TENM3: variants seen among roughly 807,000 people sequenced by gnomAD.
TENM3 encodes teneurin-3.
In TENM3, 63 loss-of-function variants were observed where a neutral mutation model predicts 255.1. The ratio of observed to expected loss-of-function variants is 0.25; its 90% CI spans 0.20 to 0.30. TENM3 has a LOEUF of 0.30. TENM3 is among the 10% of genes least tolerant of loss of function. The pLI is 1.00. For missense variants in TENM3, 2,929 were observed against 3,461.1 expected (o/e 0.85, Z 3.86); for synonymous variants, 1,306 against 1,322.3 (o/e 0.99, Z 0.27).
intron 3 of TENM3, among the ~76,000 whole-genome samples, chr4:182,553,712 G>C (rs775812740): frequency 6.6e-6 from 1 of 152,166 alleles, no homozygotes; most frequent in Admixed American, 6.5e-5. Context: ...CATTCTTGCC[G>C]TTAGCGTTTA....
the TENM3 span, among the ~76,000 whole-genome samples, chr4:181,983,326 C>G: frequency 1.3e-5 from 2 of 152,118 alleles, no homozygotes; most frequent in Non-Finnish European, 2.9e-5. Flanking sequence ...TACCAGCAAA[C>G]AAGCGAGAAC....
chr4:182,423,596 T>C (rs1770997042), intron 3 of TENM3, among the ~76,000 whole-genome samples: 1 of 152,168 alleles, frequency 6.6e-6, no homozygotes, highest in Non-Finnish European at 1.5e-5. Flanking sequence ...ACAATGCCAC[T>C]GTAAAATACT....
rs957422358 is a variant in TENM3 at position 182,346,571 on chromosome 4, T to A, written c.233-80T>A. The A allele has an allele frequency of 1.1e-5, 12 of 1,126,048 alleles. 1 individual carries two copies. The highest frequency in any genetic ancestry group is 1.4e-5 in the Non-Finnish European group (12 of 851,272). The allele number at this position is 1,126,048 out of a possible 1,614,324, so 69.8% of individuals were successfully genotyped here. A position where few individuals can be genotyped will look rare whatever the true frequency, so the allele number is the denominator to read the frequency against. ...TTTGAGTGTTTATTTCTGAAAGACA[T>A]TCTTAAAAAAAAAAAAAAGAAAAGA... is the stretch of plus-strand genomic sequence containing the variant. On this transcript the variant is annotated intron_variant, in intron 2 of 27. Transcript: ENST00000511685.
At chr4:181,771,927 G>A in the TENM3 span, among the ~76,000 whole-genome samples, 8 of 152,264 alleles carry the variant, frequency 5.3e-5, no homozygotes, top group East Asian at 1.9e-4. Flanking sequence ...GCTGGCTAAC[G>A]TTCTGAAACA....
intron 22 of TENM3, among the ~76,000 whole-genome samples, chr4:182,773,108 C>T (rs1252973465): frequency 1.3e-5 from 2 of 152,068 alleles, no homozygotes; most frequent in Admixed American, 1.3e-4. Flanking sequence ...ACTGATGTAA[C>T]AGTGAATTAA....
intron 3 of TENM3, among the ~76,000 whole-genome samples, chr4:182,583,333 C>CTGTGTGTGTGTGTGTGTG (rs3073440): frequency 7.0e-6 from 1 of 143,426 alleles, no homozygotes; most frequent in South Asian, 2.3e-4. Context: ...GCTTAAACCT[C>CTGTGTGTGTGTGTGTGTG]TGTGTGTGTG....
chr4:181,564,900 G>C, the TENM3 span, among the ~76,000 whole-genome samples: 13,292 of 152,108 alleles, frequency 0.087, 683 homozygotes, highest in African/African-American at 0.13. Context: ...TCAGTGGGCA[G>C]CTTTGTGGCT....
chr4:182,321,688 G>T (rs151054371), intron 1 of TENM3, among the ~76,000 whole-genome samples: 1,775 of 151,946 alleles, frequency 0.012, 38 homozygotes, highest in African/African-American at 0.039. Context: ...GCTCATGCCT[G>T]TAATCCCAGC....
At chr4:182,597,573 T>C (rs1230439184) in intron 3 of TENM3, among the ~76,000 whole-genome samples, 3 of 152,232 alleles carry the variant, frequency 2.0e-5, no homozygotes, top group Non-Finnish European at 4.4e-5. Flanking sequence ...AAGTAGATTA[T>C]TTAAAGCCAG....
At chr4:182,127,837 TAAA>T in the TENM3 span, among the ~76,000 whole-genome samples, 1 of 152,188 alleles carries the variant, frequency 6.6e-6, no homozygotes, top group Admixed American at 6.5e-5. Flanking sequence ...AAACTTGAGA[TAAA>T]AAAGTCATAA....
intron 3 of TENM3, among the ~76,000 whole-genome samples, chr4:182,375,744 A>G (rs968302674): frequency 2.0e-5 from 3 of 152,062 alleles, no homozygotes; most frequent in Non-Finnish European, 4.4e-5. Context: ...AGATTTCACC[A>G]TGTTGGCCAG....
At chr4:182,069,685 A>AC in the TENM3 span, among the ~76,000 whole-genome samples, 53 of 53,064 alleles carry the variant, frequency 1.0e-3, no homozygotes, top group African/African-American at 2.6e-3. Context: ...ATAGATGCAT[A>AC]AACACACACA....
At chr4:182,622,495 G>A (rs908084) in intron 4 of TENM3, among the ~76,000 whole-genome samples, 12,751 of 152,200 alleles carry the variant, frequency 0.084, 675 homozygotes, top group East Asian at 0.23. Context: ...TGTCTCTCAC[G>A]TAGTAGATAT....
the TENM3 span, among the ~76,000 whole-genome samples, chr4:181,462,195 A>T: frequency 2.6e-5 from 4 of 152,212 alleles, no homozygotes; most frequent in Non-Finnish European, 5.9e-5. Flanking sequence ...TGGTGAGAAC[A>T]GAAGCTCTTA....
the TENM3 span, among the ~76,000 whole-genome samples, chr4:181,720,482 A>C: frequency 6.6e-6 from 1 of 152,202 alleles, no homozygotes; most frequent in Non-Finnish European, 1.5e-5. Context: ...CACTGATTGA[A>C]AGTATTTATA....
intron 1 of TENM3, among the ~76,000 whole-genome samples, chr4:182,293,418 T>TAC (rs1159264035): frequency 1.3e-5 from 2 of 152,194 alleles, no homozygotes; most frequent in Non-Finnish European, 2.9e-5. Context: ...CTGGAGACCT[T>TAC]ACGTGGAATT....
intron 1 of TENM3, among the ~76,000 whole-genome samples, chr4:182,314,695 T>A (rs142656044): frequency 7.9e-5 from 12 of 152,372 alleles, no homozygotes; most frequent in African/African-American, 2.9e-4. Flanking sequence ...TAGCATCTAA[T>A]TGGATCTTTA....
At chr4:181,462,597 A>G in the TENM3 span, among the ~76,000 whole-genome samples, 1 of 152,212 alleles carries the variant, frequency 6.6e-6, no homozygotes, top group East Asian at 1.9e-4. Flanking sequence ...TAAAGGCAGC[A>G]TGATATATCT....
chr4:182,185,633 A>T (rs762694446), intron 1 of TENM3, among the ~76,000 whole-genome samples: 33 of 152,186 alleles, frequency 2.2e-4, no homozygotes, highest in Non-Finnish European at 4.7e-4. Context: ...ACAGCCCTTC[A>T]AGCCTCCTGC....
Sources: gnomAD v4.1 joint callset for allele counts (sites outside exome capture counted in the v4.1 genomes callset) on GRCh38, gnomAD v4.1.1 for gene constraint, MANE v1.5 for transcripts, NCBI Gene and HGNC (gene_info 2026-07-23, HGNC 2026-07-21) for gene names.